SCN1A: variants seen among roughly 807,000 people sequenced by gnomAD.
SCN1A encodes the protein sodium voltage-gated channel alpha subunit 1.
In SCN1A, 13 loss-of-function variants were observed where a neutral mutation model predicts 193.7. The ratio of observed to expected loss-of-function variants is 0.07; its 90% CI spans 0.04 to 0.11. SCN1A has a LOEUF of 0.11. SCN1A is among the 10% of genes least tolerant of loss of function. The pLI is 1.00. For synonymous variants in SCN1A, 781 were observed against 843.6 expected (o/e 0.93, Z 1.29); for missense variants, 1,432 against 2,451.1 (o/e 0.58, Z 8.78).
chr2:166,037,869 C>T lies in SCN1A; in HGVS notation c.2853G>A (p.Glu951=). The part of the protein sequence containing the change: ...FLIVFRVLCG[E]WIETMWDCME... ...TACAGTCCCACATGGTCTCTATCCA[C>T]TCCCCACACAGCACGCGGAACACAA... is the stretch of plus-strand genomic sequence containing the variant. Residue 951 remains glutamate (E), a synonymous_variant, in exon 18 of 29, where the codon GAG becomes GAA. Coordinates refer to ENST00000674923, the MANE Select transcript of SCN1A (RefSeq NM_001165963.4). 2 of 1,614,192 alleles carry T rather than the reference C, an allele frequency of 1.2e-6. No individual in the cohort carries two copies. The highest frequency in any genetic ancestry group is 1.3e-5 in the African/African-American group (1 of 75,040).
rs201648205 is a variant in SCN1A, at chr2:166,107,830, C to T, written c.-142+19094G>A. On this transcript the variant is annotated intron_variant, in intron 2 of 28. Coordinates refer to ENST00000674923, the MANE Select transcript of SCN1A (RefSeq NM_001165963.4). ...ATTCAAAATTAATCATAAATTTAAA[C>T]GTAAGAACTAAAACTATAATTCTTT... Among the ~76,000 whole-genome samples the T allele has an allele frequency of 6.6e-4, 100 of 152,146 alleles. 1 individual carries two copies. The highest frequency in any genetic ancestry group is 6.8e-3 in the Middle Eastern group (2 of 294).
chr2:166,124,250 TTAA>T (rs1430087040), intron 2 of SCN1A, among the ~76,000 whole-genome samples: 2 of 152,000 alleles, frequency 1.3e-5, no homozygotes, highest in Admixed American at 1.3e-4. Flanking sequence ...TTTTTTTTTT[TTAA>T]TTTTTTAACA....
Position 166,012,171 on chromosome 2 carries a change from C to T in SCN1A, c.3817G>A (p.Ala1273Thr). 6.2e-7 allele frequency: 1 copy of T among 1,610,442 alleles called. No individual in the cohort carries two copies. Residue 1273 changes from alanine (A) to threonine (T), a missense_variant, in exon 22 of 29, where the codon GCA becomes ACA. Ala to Thr is a moderately conservative substitution (Grantham distance 58). Coordinates refer to ENST00000674923, the MANE Select transcript of SCN1A (RefSeq NM_001165963.4). The stretch of plus-strand genomic sequence containing the variant: ...GTGAAATATGTTTGATAGCCATATG[C>T]CACCCATTTTAGAAGCATTTCCAGA... ...FILEMLLKWV[A>T]YGYQTYFTNA...
chr2:166,002,402 T>C, intron 24 of SCN1A, 70 bp downstream of exon 24: 1 of 1,438,064 alleles, frequency 7.0e-7, no homozygotes, highest in South Asian at 1.2e-5. Flanking sequence ...AACTAAATAA[T>C]AGATGTATGT....
In SCN1A at chr2:166,111,616, A is replaced by C. The variant is rs116609295; in HGVS notation, c.-142+15308T>G. ...TTTCAAGTCTTATTATTTAAGACAT[A>C]CATTTTATAAGACTATAGCTGCTAT... On this transcript the variant is annotated intron_variant, in intron 2 of 28. Transcript: ENST00000674923. Among the ~76,000 whole-genome samples, 932 of 152,276 alleles carry C rather than the reference A, an allele frequency of 6.1e-3. 16 individuals carry two copies. Among genetic ancestry groups the C allele is most frequent in the African/African-American group, 0.022 (897 of 41,554 alleles).
At chr2:166,032,596 A>G (rs1442406743) in intron 19 of SCN1A, among the ~76,000 whole-genome samples, 1 of 152,202 alleles carries the variant, frequency 6.6e-6, no homozygotes, top group Non-Finnish European at 1.5e-5. Context: ...TAAAAGTGCC[A>G]GGAAATTTGA....
chr2:166,092,439 G>A (rs1414555227), intron 2 of SCN1A: 2 of 152,226 alleles, frequency 1.3e-5, no homozygotes, highest in South Asian at 2.1e-4. Flanking sequence ...CTAAGGGACT[G>A]AGTCGATTCA....
intron 3 of SCN1A, among the ~76,000 whole-genome samples, chr2:166,075,749 A>G (rs1684925119): frequency 6.6e-6 from 1 of 152,044 alleles, no homozygotes; most frequent in African/African-American, 2.4e-5. Context: ...CTGCAAAACT[A>G]CTTTCTATGG....
intron 3 of SCN1A, 115 bp downstream of exon 3, chr2:166,077,595 G>A (rs1685108400): frequency 6.6e-6 from 1 of 151,970 alleles, no homozygotes; most frequent in African/African-American, 2.4e-5. Flanking sequence ...TGGAGCAATA[G>A]AAGCTCACAT....
At chr2:166,079,426 T>A (rs998619631) in intron 2 of SCN1A, among the ~76,000 whole-genome samples, 15 of 147,614 alleles carry the variant, frequency 1.0e-4, no homozygotes, top group African/African-American at 3.7e-4. Flanking sequence ...TTTCTACTTA[T>A]TTGCACTTAT....
At chr2:166,110,713 T>C (rs985788379) in intron 2 of SCN1A, among the ~76,000 whole-genome samples, 9 of 152,284 alleles carry the variant, frequency 5.9e-5, no homozygotes, top group South Asian at 2.1e-4. Flanking sequence ...CTAGCTAAGA[T>C]CATTGATATG....
At position 166,015,732 on chromosome 2, in the gene SCN1A, A is replaced by G; in HGVS notation, c.3430-5T>C. 6.2e-7 allele frequency: 1 copy of G among 1,612,514 alleles called. No homozygotes were observed. The highest frequency in any genetic ancestry group is 8.5e-7 in the Non-Finnish European group (1 of 1,178,746). On this transcript the variant is annotated splice_region_variant and splice_polypyrimidine_tract_variant and intron_variant, in intron 19 of 28. Coordinates refer to ENST00000674923, the MANE Select transcript of SCN1A (RefSeq NM_001165963.4). ...GCTACTGCTTTCATTCAGTTTCTGT[A>G]AGTGAGATGGACATAGAAAGTAAAG...
intron 22 of SCN1A, among the ~76,000 whole-genome samples, chr2:166,010,508 C>T (rs1692291812): frequency 6.6e-6 from 1 of 151,194 alleles, no homozygotes; most frequent in Non-Finnish European, 1.5e-5. Flanking sequence ...TTACCAAATA[C>T]ACACAGCAAT....
intron 19 of SCN1A, among the ~76,000 whole-genome samples, chr2:166,021,654 A>T (rs2105687294): frequency 6.6e-6 from 1 of 152,318 alleles, no homozygotes; most frequent in Admixed American, 6.5e-5. Context: ...AATTATTTCT[A>T]AAATGCTATA....
chr2:166,120,400 T>G (rs1318788472), intron 2 of SCN1A, among the ~76,000 whole-genome samples: 1 of 151,030 alleles, frequency 6.6e-6, no homozygotes, highest in Non-Finnish European at 1.5e-5. Flanking sequence ...GGGGCCATCC[T>G]AGATATATAT....
chr2:166,125,709 C>T (rs1038974173), intron 2 of SCN1A, among the ~76,000 whole-genome samples: 4 of 152,216 alleles, frequency 2.6e-5, no homozygotes, highest in African/African-American at 9.6e-5. Context: ...CTGGTTGGTA[C>T]AACAGAATCC....
At chr2:166,026,532 A>G (rs887287854) in intron 19 of SCN1A, among the ~76,000 whole-genome samples, 1 of 152,144 alleles carries the variant, frequency 6.6e-6, no homozygotes, top group Non-Finnish European at 1.5e-5. Context: ...GTATTTTTAC[A>G]GATTTAAAAA....
intron 9 of SCN1A, among the ~76,000 whole-genome samples, chr2:166,050,050 A>G (rs13403660): frequency 0.19 from 29,096 of 151,846 alleles, 2,975 homozygotes; most frequent in East Asian, 0.27. Flanking sequence ...TATCATTTTT[A>G]TTTCTAATAT....
At chr2:166,042,216 C>A (rs1343462954) in intron 15 of SCN1A, 76 bp downstream of exon 15, 1 of 1,479,438 alleles carries the variant, frequency 6.8e-7, no homozygotes. Context: ...TCCCAACTCA[C>A]AAATATATTT....
Sources: gnomAD v4.1 joint callset for allele counts (sites outside exome capture counted in the v4.1 genomes callset) on GRCh38, gnomAD v4.1.1 for gene constraint, MANE v1.5 for transcripts, NCBI Gene and HGNC (gene_info 2026-07-23, HGNC 2026-07-21) for gene names.